POU2F1: variants seen among roughly 807,000 people sequenced by gnomAD.
POU2F1 encodes POU domain, class 2, transcription factor 1.
Under a neutral mutation model 84.9 loss-of-function variants are expected in POU2F1, and 16 were observed. The ratio of observed to expected loss-of-function variants is 0.19; its 90% CI spans 0.13 to 0.29. The LOEUF is 0.29. Among genes scored for constraint, POU2F1 ranks in the 10% least tolerant of loss-of-function variants. POU2F1 has a pLI of 1.00. For synonymous variants in POU2F1, 368 were observed against 368.3 expected (o/e 1.00, Z 0.01); for missense variants, 738 against 942.6 (o/e 0.78, Z 2.84).
intron 1 of POU2F1, among the ~76,000 whole-genome samples, chr1:167,223,172 A>C (rs544986671): frequency 1.9e-3 from 291 of 152,240 alleles, no homozygotes; most frequent in African/African-American, 6.7e-3. Flanking sequence ...GTTTTCTTTG[A>C]GTATTTGTGT....
chr1:167,365,121 A>G lies in POU2F1; in HGVS notation c.128-346A>G, dbSNP rs115519719. Among the ~76,000 whole-genome samples the G allele has an allele frequency of 3.6e-3, 554 of 152,352 alleles. 2 individuals carry two copies. Among genetic ancestry groups the G allele is most frequent in the Non-Finnish European group, 6.7e-3 (459 of 68,036 alleles). On this transcript the variant is annotated intron_variant, in intron 2 of 15. Coordinates refer to ENST00000367866, the MANE Select transcript of POU2F1 (RefSeq NM_002697.4). ...AGCCACATATCAAGTAGGCTGAAAA[A>G]TAGAAGAGAGCCTCAGGGTGTCTTT...
intron 1 of POU2F1, among the ~76,000 whole-genome samples, chr1:167,316,058 G>C (rs1655871670): frequency 6.6e-6 from 1 of 152,142 alleles, no homozygotes. Flanking sequence ...TGGTTGTTAG[G>C]GATTAGAAAT....
chr1:167,321,518 A>C (rs981196948), intron 1 of POU2F1, among the ~76,000 whole-genome samples: 1 of 152,034 alleles, frequency 6.6e-6, no homozygotes, highest in Admixed American at 6.5e-5. Context: ...CATTTACCTC[A>C]TTTTTTCTTA....
intron 1 of POU2F1, among the ~76,000 whole-genome samples, chr1:167,276,350 G>A (rs1179173137): frequency 6.6e-6 from 1 of 152,080 alleles, no homozygotes; most frequent in Non-Finnish European, 1.5e-5. Flanking sequence ...TGGTCCCAAG[G>A]TGCAAGAGTA....
At chr1:167,362,227 A>G (rs1490147527) in intron 2 of POU2F1, among the ~76,000 whole-genome samples, 1 of 152,196 alleles carries the variant, frequency 6.6e-6, no homozygotes, top group Admixed American at 6.5e-5. Context: ...TGCCACAGTA[A>G]AAGAGGTTAA....
chr1:167,398,967 T>A (rs1316024568), intron 11 of POU2F1, among the ~76,000 whole-genome samples: 2 of 152,190 alleles, frequency 1.3e-5, no homozygotes, highest in African/African-American at 4.8e-5. Flanking sequence ...TGAAAAACTA[T>A]AGATATTTAA....
intron 1 of POU2F1, among the ~76,000 whole-genome samples, chr1:167,299,978 A>G (rs1350325947): frequency 2.6e-5 from 4 of 152,212 alleles, no homozygotes; most frequent in East Asian, 1.9e-4. Flanking sequence ...AAGAGTAGCT[A>G]CTGTGCACTG....
intron 1 of POU2F1, among the ~76,000 whole-genome samples, chr1:167,247,762 A>G (rs934192733): frequency 1.3e-5 from 2 of 152,228 alleles, no homozygotes; most frequent in Non-Finnish European, 2.9e-5. Context: ...TGGCTTTTCT[A>G]CGTGTTTTAC....
At chr1:167,338,083 A>G (rs556326044) in intron 2 of POU2F1, 1 of 453,536 alleles carries the variant, frequency 2.2e-6, no homozygotes, top group South Asian at 1.6e-5. Flanking sequence ...CAGAAATTAC[A>G]GTGTATTTCC....
intron 2 of POU2F1, among the ~76,000 whole-genome samples, chr1:167,342,714 C>T (rs375060183): frequency 1.7e-3 from 257 of 152,258 alleles, no homozygotes; most frequent in African/African-American, 6.0e-3. Flanking sequence ...AAATTTCAGA[C>T]ACTTAAGGAT....
intron 13 of POU2F1, among the ~76,000 whole-genome samples, chr1:167,409,041 G>A (rs35175185): frequency 0.1 from 15,547 of 152,114 alleles, 1,929 homozygotes; most frequent in African/African-American, 0.3. Flanking sequence ...ATGAAGTTGA[G>A]TTCACTGATT....
intron 2 of POU2F1, among the ~76,000 whole-genome samples, chr1:167,349,530 T>C (rs1450471203): frequency 6.6e-6 from 1 of 152,190 alleles, no homozygotes. Context: ...CACTGCTGCA[T>C]CTCTGACACC....
intron 2 of POU2F1, among the ~76,000 whole-genome samples, chr1:167,358,716 C>CATTTTTTTTTTTTTTTTTTTTTT (rs1659141622): frequency 2.6e-5 from 1 of 38,350 alleles, no homozygotes; most frequent in African/African-American, 7.1e-5. Flanking sequence ...TTATCTGCAG[C>CATTTTTTTTTTTTTTTTTTTTTT]TTTTTTTTTT....
At position 167,224,864 on chromosome 1, in the gene POU2F1, T is replaced by TGTCTCC. The variant is rs1239909758; in HGVS notation, c.61+3907_61+3912dup. ...TTTTTTTCCAGACAGAGTCTTGCTC[T>TGTCTCC]GTCTCCCAGGCTGGAGTGCGTTGGT... On this transcript the variant is annotated intron_variant, in intron 1 of 15. Coordinates refer to ENST00000367866, the MANE Select transcript of POU2F1 (RefSeq NM_002697.4). Among the ~76,000 whole-genome samples, 17 of 148,384 alleles carry TGTCTCC rather than the reference T, an allele frequency of 1.1e-4. No homozygotes were observed. In the East Asian group the frequency reaches 3.2e-3, roughly 28 times the overall value.
At chr1:167,260,937 AT>A (rs969050903) in intron 1 of POU2F1, among the ~76,000 whole-genome samples, 1 of 152,122 alleles carries the variant, frequency 6.6e-6, no homozygotes, top group Non-Finnish European at 1.5e-5. Context: ...AATTAACTAT[AT>A]TTTTTTGTTC....
chr1:167,238,712 A>C (rs2102363861), intron 1 of POU2F1, among the ~76,000 whole-genome samples: 1 of 152,380 alleles, frequency 6.6e-6, no homozygotes, highest in Middle Eastern at 3.4e-3. Flanking sequence ...TTCTTTAGGC[A>C]ATCTTCCATA....
chr1:167,374,107 G>A lies in POU2F1; in HGVS notation c.403-1G>A. The A allele has an allele frequency of 6.2e-7, 1 of 1,614,000 alleles. No homozygotes were observed. The highest frequency in any genetic ancestry group is 8.5e-7 in the Non-Finnish European group (1 of 1,179,972). On this transcript the variant is annotated splice_acceptor_variant, in intron 5 of 15. Transcript: ENST00000367866. LOFTEE classifies it high-confidence loss of function. Reference sequence around the variant, plus strand: ...CCATAATGTGTTCTGGTTTTGTTTAGCTTACTTTGACGCCTGCCCAGCAAC... The same window carrying A: ...CCATAATGTGTTCTGGTTTTGTTTAACTTACTTTGACGCCTGCCCAGCAAC...
At chr1:167,340,038 A>C (rs1372041481) in intron 2 of POU2F1, among the ~76,000 whole-genome samples, 1 of 152,220 alleles carries the variant, frequency 6.6e-6, no homozygotes, top group Non-Finnish European at 1.5e-5. Flanking sequence ...AGAGAGGTTC[A>C]GTCACTTGAT....
intron 1 of POU2F1, among the ~76,000 whole-genome samples, chr1:167,253,084 A>G (rs1650847803): frequency 6.6e-6 from 1 of 152,238 alleles, no homozygotes; most frequent in Admixed American, 6.5e-5. Context: ...AGATGGCCCA[A>G]AGAGCATGCT....
Sources: allele counts gnomAD v4.1 joint callset (sites outside exome capture counted in the v4.1 genomes callset), GRCh38; gene constraint gnomAD v4.1.1; transcripts MANE v1.5; gene names NCBI Gene and HGNC (gene_info 2026-07-23, HGNC 2026-07-21).